Variants in SAMD3 observed in about 807,000 individuals in gnomAD.
SAMD3 encodes sterile alpha motif domain-containing protein 3.
SAMD3 carries 63 observed loss-of-function variants against 58.5 expected under a neutral mutation model. The ratio of observed to expected loss-of-function variants is 1.08; its 90% confidence interval spans 0.88 to 1.33. SAMD3 has a LOEUF of 1.33. Among genes scored for constraint, SAMD3 ranks in the 40% most tolerant of loss-of-function variants. The pLI is 0.00. For missense variants in SAMD3, 604 were observed against 608.4 expected (o/e 0.99, Z 0.08); for synonymous variants, 220 against 210.3 (o/e 1.05, Z -0.40).
At chr6:130,198,333 CA>C (rs1301683414) in intron 5 of SAMD3, among the ~76,000 whole-genome samples, 1 of 152,102 alleles carries the variant, frequency 6.6e-6, no homozygotes, top group Non-Finnish European at 1.5e-5. Flanking sequence ...GCCTCCTGAG[CA>C]GCTAGGACTA....
intron 9 of SAMD3, among the ~76,000 whole-genome samples, chr6:130,152,025 C>CTG (rs1218128327): frequency 5.6e-4 from 85 of 152,042 alleles, no homozygotes; most frequent in Non-Finnish European, 1.1e-3. Context: ...TTTTAAATGC[C>CTG]TTGTTGAAAG....
rs189488765 is a variant in SAMD3, at chr6:130,233,225, C to G, written c.-187-10412G>C. On this transcript the variant is annotated intron_variant, in intron 2 of 13. Coordinates refer to the SAMD3 transcript ENST00000368134. ...TCCAGTAATTCACTAGAAAGCATCA[C>G]AGAACTCATTTAAGTGCTGTACTTA... Among the ~76,000 whole-genome samples, 13 of 152,268 alleles carry G rather than the reference C, an allele frequency of 8.5e-5. No individual in the cohort carries two copies. In the East Asian group the frequency reaches 2.3e-3, roughly 27 times the overall value.
chr6:130,212,904 A>G (rs1795688616), intron 4 of SAMD3, among the ~76,000 whole-genome samples: 1 of 152,180 alleles, frequency 6.6e-6, no homozygotes, highest in South Asian at 2.1e-4. Flanking sequence ...AAAGCTTGCA[A>G]TGGGAACTTC....
intron 2 of SAMD3, among the ~76,000 whole-genome samples, chr6:130,241,605 T>TA (rs1476554656): frequency 6.6e-6 from 1 of 152,090 alleles, no homozygotes; most frequent in Non-Finnish European, 1.5e-5. Flanking sequence ...TGCCACCAAT[T>TA]ACCCCTTACT....
intron 2 of SAMD3, among the ~76,000 whole-genome samples, chr6:130,306,128 A>C (rs1323122357): frequency 6.6e-6 from 1 of 152,350 alleles, no homozygotes; most frequent in African/African-American, 2.4e-5. Context: ...TTAGGTTTCA[A>C]CGTATGAATT....
intron 1 of SAMD3, among the ~76,000 whole-genome samples, chr6:130,316,670 A>G (rs1392650130): frequency 6.6e-6 from 1 of 152,176 alleles, no homozygotes; most frequent in African/African-American, 2.4e-5. Flanking sequence ...CATTGGGGTC[A>G]GATTTTGGAA....
At chr6:130,336,840 G>A (rs1199064849) in intron 1 of SAMD3, among the ~76,000 whole-genome samples, 1 of 152,162 alleles carries the variant, frequency 6.6e-6, no homozygotes, top group Admixed American at 6.5e-5. Flanking sequence ...CAATTTTGTG[G>A]TGGTCTTTGT....
chr6:130,252,662 T>C (rs1381350403), intron 2 of SAMD3, among the ~76,000 whole-genome samples: 1 of 151,986 alleles, frequency 6.6e-6, no homozygotes, highest in Non-Finnish European at 1.5e-5. Context: ...CTTGAAAGGG[T>C]TTCTGCCGCC....
rs994790129 is a variant in SAMD3 at position 130,302,318 on chromosome 6, T to C, written c.-188+10660A>G. Among the ~76,000 whole-genome samples the C allele has an allele frequency of 2.0e-5, 3 of 151,792 alleles. No homozygotes were observed. In the South Asian group the frequency reaches 6.2e-4, roughly 32 times the overall value. ...AAGATATACAAGAGGCCAACAAACA[T>C]AGGAAAAAATGCTCATCAACACTAA... On this transcript the variant is annotated intron_variant, in intron 2 of 13. Coordinates refer to the SAMD3 transcript ENST00000368134.
chr6:130,237,977 G>C (rs1773223873), intron 2 of SAMD3, among the ~76,000 whole-genome samples: 1 of 152,090 alleles, frequency 6.6e-6, no homozygotes, highest in African/African-American at 2.4e-5. Context: ...TTTAGCTGTT[G>C]TTTTTGCAAA....
intron 2 of SAMD3, among the ~76,000 whole-genome samples, chr6:130,301,956 T>C (rs1775762849): frequency 6.6e-6 from 1 of 152,160 alleles, no homozygotes; most frequent in African/African-American, 2.4e-5. Flanking sequence ...TCAAGAGGAA[T>C]TAAATACTTA....
intron 2 of SAMD3, among the ~76,000 whole-genome samples, chr6:130,305,325 G>T (rs1273685117): frequency 1.3e-5 from 2 of 151,754 alleles, no homozygotes; most frequent in African/African-American, 4.8e-5. Context: ...ATATTCTGTG[G>T]GTTTTATGTG....
chr6:130,200,713 G>A lies in SAMD3; in HGVS notation c.383+8782C>T, dbSNP rs1377462506. On this transcript the variant is annotated intron_variant, in intron 5 of 11. Transcript: ENST00000439090. ...GGCAAGGACATTCAGTAGCTACTGA[G>A]GAATATAGAAAACTGGGTCTTTAAA... Among the ~76,000 whole-genome samples, 3 of 152,156 alleles carry A rather than the reference G, an allele frequency of 2.0e-5. No homozygotes were observed. In the East Asian group the frequency reaches 5.8e-4, roughly 29 times the overall value.
intron 2 of SAMD3, among the ~76,000 whole-genome samples, chr6:130,233,701 A>T (rs1178188001): frequency 1.3e-5 from 2 of 152,202 alleles, no homozygotes; most frequent in Non-Finnish European, 2.9e-5. Context: ...AACCACTTGA[A>T]TTCTATCATC....
intron 8 of SAMD3, among the ~76,000 whole-genome samples, chr6:130,170,203 C>T (rs1791111093): frequency 6.6e-6 from 1 of 152,140 alleles, no homozygotes; most frequent in Non-Finnish European, 1.5e-5. Flanking sequence ...CCCCTTGTCC[C>T]CCACCGCCAA....
At chr6:130,364,368 T>A (rs1441959412) in intron 1 of SAMD3, among the ~76,000 whole-genome samples, 2 of 152,124 alleles carry the variant, frequency 1.3e-5, no homozygotes, top group African/African-American at 4.8e-5. Context: ...AGAGAGGATG[T>A]CACCTCAAAT....
chr6:130,218,516 T>G (rs1448689416), intron 1 of SAMD3, among the ~76,000 whole-genome samples: 1 of 152,174 alleles, frequency 6.6e-6, no homozygotes, highest in East Asian at 1.9e-4. Context: ...CTCAAATAAT[T>G]TGCAGATGTT....
intron 2 of SAMD3, among the ~76,000 whole-genome samples, chr6:130,236,247 T>C (rs1773142516): frequency 6.6e-6 from 1 of 152,200 alleles, no homozygotes; most frequent in Admixed American, 6.5e-5. Flanking sequence ...ATTACACATG[T>C]GTGTTAATCT....
intron 8 of SAMD3, among the ~76,000 whole-genome samples, chr6:130,168,124 C>T (rs1790892264): frequency 6.6e-6 from 1 of 152,148 alleles, no homozygotes; most frequent in Admixed American, 6.6e-5. Flanking sequence ...TGTGGAAGCC[C>T]ATGTGACAGA....
Sources: allele counts gnomAD v4.1 joint callset (sites outside exome capture counted in the v4.1 genomes callset), GRCh38; gene constraint gnomAD v4.1.1; transcripts MANE v1.5; gene names NCBI Gene and HGNC (gene_info 2026-07-23, HGNC 2026-07-21).